KDM6A: variants seen among roughly 807,000 people sequenced by gnomAD.
KDM6A encodes lysine-specific demethylase 6A.
KDM6A carries 11 observed loss-of-function variants against 117.6 expected under a neutral mutation model. The ratio of observed to expected loss-of-function variants is 0.09; its 90% CI spans 0.06 to 0.15. KDM6A has a LOEUF of 0.15. KDM6A is among the 10% of genes least tolerant of loss of function. The probability of loss-of-function intolerance (pLI) is 1.00; values close to 1 mark genes in which losing one functional copy is unlikely to be tolerated. For missense variants in KDM6A, 799 were observed against 1,077.3 expected (o/e 0.74, Z 3.62); for synonymous variants, 384 against 396.1 (o/e 0.97, Z 0.36).
intron 2 of KDM6A, among the ~76,000 whole-genome samples, chrX:44,947,518 G>C (rs916563155): frequency 4.6e-5 from 5 of 109,277 alleles, no homozygotes; most frequent in African/African-American, 1.7e-4. Flanking sequence ...TGGGACTACA[G>C]GCGCCCGCCA....
chrX:45,058,077 C>T (rs2044151621), intron 10 of KDM6A, among the ~76,000 whole-genome samples: 4 of 39,521 alleles, frequency 1.0e-4, no homozygotes, highest in Admixed American at 2.1e-4. Flanking sequence ...TCTTACTCTC[C>T]CCCCCCCCCC....
At chrX:44,976,760 G>A (rs1427056719) in intron 4 of KDM6A, among the ~76,000 whole-genome samples, 2 of 111,279 alleles carry the variant, frequency 1.8e-5, no homozygotes, top group African/African-American at 6.5e-5. Flanking sequence ...TTCATTTTTT[G>A]GCTATTGTGA....
intron 5 of KDM6A, among the ~76,000 whole-genome samples, chrX:45,014,545 G>A (rs766162453): frequency 8.9e-6 from 1 of 112,137 alleles, no homozygotes; most frequent in Non-Finnish European, 1.9e-5. Context: ...AAAAGCCATT[G>A]CTTTACATGT....
At chrX:44,963,805 C>T (rs1374548874) in intron 3 of KDM6A, among the ~76,000 whole-genome samples, 1 of 110,157 alleles carries the variant, frequency 9.1e-6, no homozygotes, top group African/African-American at 3.3e-5. Context: ...CTGCAACCTC[C>T]GCCTCCTGGG....
At position 44,995,587 on chromosome X, in the gene KDM6A, T is replaced by G. The variant is rs147694352; in HGVS notation, c.385-15374T>G. On this transcript the variant is annotated intron_variant, in intron 4 of 29. Coordinates refer to ENST00000611820, the MANE Select transcript of KDM6A (RefSeq NM_001291415.2). ...CCCCTGTTCAAGCAAGTCTCCTGTCTCAGCCTCCCGAGTAGCTGGGACTAA... is the reference window on the plus strand; with the variant it reads ...CCCCTGTTCAAGCAAGTCTCCTGTCGCAGCCTCCCGAGTAGCTGGGACTAA... Among the ~76,000 whole-genome samples the G allele has an allele frequency of 3.5e-3, 382 of 110,545 alleles. 3 individuals are homozygous for G. The highest frequency in any genetic ancestry group is 0.012 in the African/African-American group (361 of 30,377).
At chrX:44,885,364 C>G (rs751452639) in intron 2 of KDM6A, among the ~76,000 whole-genome samples, 21 of 110,276 alleles carry the variant, frequency 1.9e-4, no homozygotes, top group Non-Finnish European at 2.8e-4. Context: ...TCCATCCCCA[C>G]TGCCCCCATC....
chrX:45,060,300 A>C (rs1488745852), intron 13 of KDM6A, 144 bp downstream of exon 13: 1 of 995,029 alleles, frequency 1.0e-6, no homozygotes, highest in African/African-American at 1.9e-5. Context: ...ATCTAGATCA[A>C]AATAAAATTC....
intron 2 of KDM6A, among the ~76,000 whole-genome samples, chrX:44,910,876 T>C (rs1218030040): frequency 8.9e-6 from 1 of 112,255 alleles, no homozygotes; most frequent in African/African-American, 3.2e-5. Flanking sequence ...CAGAACAAAA[T>C]GGAGTCTCCT....
At chrX:45,086,188 C>CAGT (rs1169645182) in intron 25 of KDM6A, 208 of 378,699 alleles carry the variant, frequency 5.5e-4, no homozygotes, top group Middle Eastern at 1.5e-3. Flanking sequence ...CAACTTCATG[C>CAGT]AGTAGTAGTA....
At chrX:44,922,398 G>T (rs1000006115) in intron 2 of KDM6A, among the ~76,000 whole-genome samples, 1 of 110,240 alleles carries the variant, frequency 9.1e-6, no homozygotes, top group Non-Finnish European at 1.9e-5. Flanking sequence ...TTATTCTTGT[G>T]CTTATTCGCC....
At chrX:44,952,358 G>A (rs1047886969) in intron 2 of KDM6A, among the ~76,000 whole-genome samples, 6 of 102,525 alleles carry the variant, frequency 5.9e-5, no homozygotes, top group South Asian at 4.6e-4. Flanking sequence ...TGGAACCTCC[G>A]CTTCCTAGGT....
intron 2 of KDM6A, among the ~76,000 whole-genome samples, chrX:44,904,614 A>G (rs751886052): frequency 9.8e-5 from 11 of 111,890 alleles, no homozygotes; most frequent in African/African-American, 3.2e-4. Context: ...GGTGAACTCT[A>G]TTTATGTGAA....
intron 2 of KDM6A, among the ~76,000 whole-genome samples, chrX:44,931,395 G>C (rs1467078550): frequency 8.9e-6 from 1 of 111,849 alleles, no homozygotes; most frequent in Non-Finnish European, 1.9e-5. Context: ...ATCTCAAAGA[G>C]GTATTAATGT....
rs142282730 is a variant in KDM6A at position 44,925,975 on chromosome X, A to G, written c.226-35309A>G. ...CTGTGAATCACCAGTGAAACAGTGTAGAGTTATCCAATCACTGGACTTCAG... is the reference window on the plus strand; with the variant it reads ...CTGTGAATCACCAGTGAAACAGTGTGGAGTTATCCAATCACTGGACTTCAG... On this transcript the variant is annotated intron_variant, in intron 2 of 29. Coordinates refer to ENST00000611820, the MANE Select transcript of KDM6A (RefSeq NM_001291415.2). Among the ~76,000 whole-genome samples the G allele has an allele frequency of 5.9e-3, 665 of 111,966 alleles. 5 individuals carry two copies. The highest frequency in any genetic ancestry group is 0.02 in the African/African-American group (625 of 30,809).
chrX:45,075,699 C>T (rs750292692), intron 18 of KDM6A, among the ~76,000 whole-genome samples: 32 of 108,905 alleles, frequency 2.9e-4, no homozygotes, highest in Admixed American at 2.4e-3. Context: ...TAATTTGTAA[C>T]ACTTTGTTCA....
At chrX:44,933,260 A>ATTTTTTTTTTT (rs56098621) in intron 2 of KDM6A, among the ~76,000 whole-genome samples, 1 of 36,540 alleles carries the variant, frequency 2.7e-5, no homozygotes, top group African/African-American at 1.1e-4. Flanking sequence ...GTTTATGTTG[A>ATTTTTTTTTTT]TTTTTTTTTT....
At chrX:45,030,185 C>G (rs1435173846) in intron 6 of KDM6A, among the ~76,000 whole-genome samples, 1 of 109,207 alleles carries the variant, frequency 9.2e-6, no homozygotes, top group Non-Finnish European at 1.9e-5. Flanking sequence ...TTTGGAGGTA[C>G]CTGAGGGATA....
At chrX:44,903,610 T>A (rs1046642330) in intron 2 of KDM6A, among the ~76,000 whole-genome samples, 1 of 111,320 alleles carries the variant, frequency 9.0e-6, no homozygotes, top group South Asian at 3.7e-4. Context: ...TGAGACTCTG[T>A]TAATTTTTCT....
At chrX:44,941,559 C>T (rs1313532845) in intron 2 of KDM6A, among the ~76,000 whole-genome samples, 1 of 107,076 alleles carries the variant, frequency 9.3e-6, no homozygotes, top group African/African-American at 3.5e-5. Flanking sequence ...CGGCTCACTG[C>T]AAGCTCCGCC....
Sources: gnomAD v4.1 joint callset for allele counts (sites outside exome capture counted in the v4.1 genomes callset) on GRCh38, gnomAD v4.1.1 for gene constraint, MANE v1.5 for transcripts, NCBI Gene and HGNC (gene_info 2026-07-23, HGNC 2026-07-21) for gene names.